Variants in WIF1 observed in about 807,000 individuals in gnomAD.
The protein encoded by WIF1 is Wnt inhibitory factor 1.
A neutral mutation model predicts 53.5 loss-of-function variants in WIF1; 35 were observed. The observed-to-expected ratio is 0.65, with a 90% CI of 0.50 to 0.87. The LOEUF is 0.87. Among genes scored for constraint, WIF1 ranks in the 40% least tolerant of loss-of-function variants. The pLI is 0.00. For missense variants in WIF1, 467 were observed against 476.8 expected, an observed-to-expected ratio of 0.98 and a Z score of 0.19; for synonymous variants, 171 against 170.4, an observed-to-expected ratio of 1.00 and a Z score of -0.03.
intron 2 of WIF1, among the ~76,000 whole-genome samples, chr12:65,084,209 C>A (rs1258111696): frequency 1.3e-5 from 2 of 152,162 alleles, no homozygotes; most frequent in Non-Finnish European, 2.9e-5. Flanking sequence ...GCATTTATTT[C>A]CTCATATTGG....
chr12:65,070,245 C>T (rs546815282), intron 3 of WIF1, among the ~76,000 whole-genome samples: 2 of 152,086 alleles, frequency 1.3e-5, no homozygotes, highest in African/African-American at 2.4e-5. Context: ...ACATGGACTT[C>T]CATTTCTAGC....
chr12:65,071,231 C>CAAAAAAAAAAAAAAAAAAAAAAAAAAAA (rs67928556), intron 3 of WIF1, among the ~76,000 whole-genome samples: 1 of 71,180 alleles, frequency 1.4e-5, no homozygotes, highest in Non-Finnish European at 2.6e-5. Flanking sequence ...AAGACTCCAT[C>CAAAAAAAAAAAAAAAAAAAAAAAAAAAA]AAAAAAAAAA....
At chr12:65,098,858 T>A (rs1275685802) in intron 2 of WIF1, among the ~76,000 whole-genome samples, 2 of 152,188 alleles carry the variant, frequency 1.3e-5, no homozygotes, top group Non-Finnish European at 2.9e-5. Context: ...GCCAGCTCTA[T>A]TGCTAACTCC....
Position 65,067,777 on chromosome 12 carries a change from G to A in WIF1, c.552C>T (p.Gly184=), listed in dbSNP as rs367787979. 5.6e-6 allele frequency: 9 copies of A among 1,613,024 alleles called. No homozygotes were observed. The highest frequency in any genetic ancestry group is 2.2e-5 in the East Asian group (1 of 44,854). ...FKTCQQAECP[G]GCRNGGFCNE... is the part of the protein sequence containing the mutation. ...TACAAAAGCCTCCATTTCGGCACCCGCCTGGGCACTCAGCTTCAGCAGAGA... is the reference window on the plus strand; with the variant it reads ...TACAAAAGCCTCCATTTCGGCACCCACCTGGGCACTCAGCTTCAGCAGAGA... The change falls in exon 5 of 10, where the codon GGC becomes GGT. Residue 184 remains glycine (G), a synonymous_variant. Coordinates refer to ENST00000286574, the MANE Select transcript of WIF1 (RefSeq NM_007191.5).
At chr12:65,077,938 G>T in intron 2 of WIF1, 84 bp from the exon 3 acceptor site, 1 of 1,038,948 alleles carries the variant, frequency 9.6e-7, no homozygotes, top group Non-Finnish European at 1.5e-6. Context: ...ATCTGATGGG[G>T]CAGAGATAAT....
chr12:65,051,603 G>T, intron 9 of WIF1, 133 bp from the exon 10 acceptor site: 1 of 1,134,670 alleles, frequency 8.8e-7, no homozygotes, highest in South Asian at 2.3e-5. Context: ...ACCACAAAAA[G>T]CTACCTGAAT....
At chr12:65,095,207 C>T (rs1253814031) in intron 2 of WIF1, among the ~76,000 whole-genome samples, 1 of 151,498 alleles carries the variant, frequency 6.6e-6, no homozygotes, top group Non-Finnish European at 1.5e-5. Flanking sequence ...CCCCAAAGTA[C>T]TAGGATTACA....
intron 2 of WIF1, among the ~76,000 whole-genome samples, chr12:65,107,462 A>G (rs1023987461): frequency 2.0e-5 from 3 of 152,114 alleles, no homozygotes; most frequent in Non-Finnish European, 4.4e-5. Flanking sequence ...TGTCTCTACT[A>G]AAAATACAAA....
At chr12:65,090,352 A>G (rs12322334) in intron 2 of WIF1, among the ~76,000 whole-genome samples, 4,610 of 152,216 alleles carry the variant, frequency 0.03, 238 homozygotes, top group African/African-American at 0.11. Context: ...CATTCATTCA[A>G]CATATATGTA....
At chr12:65,112,591 A>C (rs534408546) in intron 2 of WIF1, among the ~76,000 whole-genome samples, 3 of 152,286 alleles carry the variant, frequency 2.0e-5, no homozygotes, top group Admixed American at 6.5e-5. Context: ...CAACATGTTG[A>C]GTTCACTCTC....
intron 9 of WIF1, 58 bp downstream of exon 9, chr12:65,055,060 C>T (rs1882502426): frequency 8.3e-6 from 13 of 1,568,300 alleles, no homozygotes; most frequent in Non-Finnish European, 1.1e-5. Context: ...TCTGGTCTCC[C>T]ACTCACTTTT....
intron 3 of WIF1, among the ~76,000 whole-genome samples, chr12:65,077,287 CTCCCACTTT>C (rs1882875946): frequency 6.6e-6 from 1 of 152,178 alleles, no homozygotes; most frequent in Non-Finnish European, 1.5e-5. Context: ...GAACCCCTTT[CTCCCACTTT>C]TCCATGTCTC....
rs1054567601 is a variant in WIF1, at chr12:65,121,089, TCTC to T, written c.100_102del (p.Glu34del). 18 of 1,545,572 alleles carry T rather than the reference TCTC, an allele frequency of 1.2e-5. No homozygotes were observed. The East Asian group carries it at 1.5e-4, about 13-fold the overall frequency. On this transcript the variant is annotated inframe_deletion, in exon 1 of 10. Transcript: ENST00000286574. ...TGAGCATCGATCCATAGGTACAGGC[TCTC>T]CTCCTGCGGCGGCCCGGCCTCCGCC...
intron 2 of WIF1, among the ~76,000 whole-genome samples, chr12:65,090,447 T>G (rs1883105196): frequency 6.6e-6 from 1 of 152,282 alleles, no homozygotes; most frequent in African/African-American, 2.4e-5. Context: ...CTTATGGAGC[T>G]TGCAGGCTGG....
At chr12:65,088,878 TG>T (rs1472592720) in intron 2 of WIF1, among the ~76,000 whole-genome samples, 1 of 152,018 alleles carries the variant, frequency 6.6e-6, no homozygotes, top group East Asian at 1.9e-4. Flanking sequence ...AATATTTTTC[TG>T]GGGGGGAGCA....
At chr12:65,106,282 G>A (rs1234564622) in intron 2 of WIF1, among the ~76,000 whole-genome samples, 3 of 151,886 alleles carry the variant, frequency 2.0e-5, no homozygotes, top group African/African-American at 7.3e-5. Flanking sequence ...GGATATTCAA[G>A]TTATACTGGG....
rs116153527 is a variant in WIF1, at chr12:65,097,417, G to A, written c.289-19563C>T. 9.4e-3 allele frequency among the ~76,000 whole-genome samples: 1,427 copies of A among 152,188 alleles called. 30 individuals carry two copies. Among genetic ancestry groups the A allele is most frequent in the African/African-American group, 0.031 (1,300 of 41,526 alleles). On this transcript the variant is annotated intron_variant, in intron 2 of 9. Transcript: ENST00000286574. ...TAAAATGAGAAATCTAGCCTCTACC[G>A]TTCTAGGGGATGGCTAAACAATAGA...
chr12:65,103,138 G>A (rs148317763), intron 2 of WIF1, among the ~76,000 whole-genome samples: 12 of 152,120 alleles, frequency 7.9e-5, no homozygotes, highest in East Asian at 7.7e-4. Flanking sequence ...TCTTTTGTGC[G>A]TTATAGAAAA....
At chr12:65,112,799 G>A (rs1883453461) in intron 2 of WIF1, among the ~76,000 whole-genome samples, 2 of 152,140 alleles carry the variant, frequency 1.3e-5, no homozygotes, top group South Asian at 4.1e-4. Flanking sequence ...GACATCCTGA[G>A]CTCTTCCCTG....
Sources: gnomAD v4.1 joint callset for allele counts (sites outside exome capture counted in the v4.1 genomes callset) on GRCh38, gnomAD v4.1.1 for gene constraint, MANE v1.5 for transcripts, NCBI Gene and HGNC (gene_info 2026-07-23, HGNC 2026-07-21) for gene names.